The following ANGPT2 variants were observed in gnomAD, a reference collection of about 807,000 sequenced individuals.
ANGPT2 encodes angiopoietin-2.
A neutral mutation model predicts 62.9 loss-of-function variants in ANGPT2; 28 were observed. The ratio of observed to expected loss-of-function variants is 0.44; its 90% CI spans 0.33 to 0.61. The LOEUF (loss-of-function observed/expected upper bound fraction) is 0.61. Among genes scored for constraint, ANGPT2 ranks in the 20% least tolerant of loss-of-function variants. The pLI, the probability that ANGPT2 is intolerant of heterozygous loss-of-function variation, is 0.03. For missense variants in ANGPT2, 727 were observed against 594.9 expected (o/e 1.22, Z -2.31); for synonymous variants, 284 against 207.8 (o/e 1.37, Z -3.15).
At chr8:6,546,973 C>G (rs996161186) in intron 1 of ANGPT2, among the ~76,000 whole-genome samples, 5 of 152,310 alleles carry the variant, frequency 3.3e-5, no homozygotes, top group African/African-American at 1.2e-4. Flanking sequence ...TTAGTCCTGT[C>G]TTCTTTCAGG....
At position 6,503,088 on chromosome 8, in the gene ANGPT2, T is replaced by A; in HGVS notation, c.*13A>T. ...AAATAGTTCGAGACAGTTCCTCAGG[T>A]GGACTGGGATGTTTAGAAATCTGCT... On this transcript the variant is annotated 3_prime_UTR_variant, in exon 9 of 9. Coordinates refer to ENST00000629816, the MANE Select transcript of ANGPT2 (RefSeq NM_001118887.2). 1.2e-6 allele frequency: 2 copies of A among 1,614,020 alleles called. No individual in the cohort carries two copies. The highest frequency in any genetic ancestry group is 1.7e-6 in the Non-Finnish European group (2 of 1,179,970).
intron 1 of ANGPT2, among the ~76,000 whole-genome samples, chr8:6,542,039 A>C (rs1436638526): frequency 6.6e-6 from 1 of 152,066 alleles, no homozygotes; most frequent in Non-Finnish European, 1.5e-5. Context: ...CTGAATGATA[A>C]ATGATTACAA....
chr8:6,535,031 G>C (rs1427102312), intron 1 of ANGPT2, among the ~76,000 whole-genome samples: 1 of 152,178 alleles, frequency 6.6e-6, no homozygotes, highest in Non-Finnish European at 1.5e-5. Context: ...CATTCCGGGA[G>C]GCTTGGAACT....
rs779767697 is a variant in ANGPT2, at chr8:6,503,190, T to G, written c.1399A>C (p.Lys467Gln). Reference sequence around the variant, plus strand: ...TAGTACCATTTAATGCCGTTGAACTTATTTGTGTTCTGCCTCTGTGGATAG... The same window carrying G: ...TAGTACCATTTAATGCCGTTGAACTGATTTGTGTTCTGCCTCTGTGGATAG... ...MYYPQRQNTN[K>Q]FNGIKWYYWK... Residue 467 changes from lysine to glutamine, a missense_variant, in exon 9 of 9, where the codon AAG (lysine) becomes CAG (glutamine). By Grantham distance (53) the Lys-to-Gln change is moderately conservative. Coordinates refer to ENST00000629816, the MANE Select transcript of ANGPT2 (RefSeq NM_001118887.2). 1 of 1,614,124 alleles carries G rather than the reference T, an allele frequency of 6.2e-7. No homozygotes were observed. Among genetic ancestry groups the G allele is most frequent in the East Asian group, 2.2e-5 (1 of 44,888 alleles).
At chr8:6,552,889 G>A (rs1452237205) in intron 1 of ANGPT2, among the ~76,000 whole-genome samples, 1 of 151,762 alleles carries the variant, frequency 6.6e-6, no homozygotes, top group Non-Finnish European at 1.5e-5. Context: ...GATTCCAACT[G>A]TATGACATTC....
chr8:6,531,413 C>T (rs559890394), intron 2 of ANGPT2, among the ~76,000 whole-genome samples: 9 of 152,048 alleles, frequency 5.9e-5, no homozygotes, highest in Admixed American at 3.9e-4. Flanking sequence ...CTCAGCCTCC[C>T]AAGTAGCTGG....
intron 1 of ANGPT2, 87 bp from the exon 2 acceptor site, chr8:6,532,574 T>TAA (rs10662997): frequency 0.1 from 58,543 of 577,756 alleles, 1,297 homozygotes; most frequent in African/African-American, 0.21. Flanking sequence ...TCCCTATCTT[T>TAA]AAAAAAAAAA....
rs1334671934 is a variant in ANGPT2, at chr8:6,519,884, T to C, written c.907A>G (p.Asn303Asp). The C allele has an allele frequency of 5.0e-6, 8 of 1,614,076 alleles. No individual in the cohort carries two copies. Among genetic ancestry groups the C allele is most frequent in the Non-Finnish European group, 6.8e-6 (8 of 1,179,946 alleles). The change falls in exon 5 of 9, where the codon AAT becomes GAT. Residue 303 changes from asparagine to aspartate, a missense_variant. Physicochemically the swap from Asn to Asp is conservative, Grantham distance 23. Coordinates refer to ENST00000629816, the MANE Select transcript of ANGPT2 (RefSeq NM_001118887.2). ...TNGIYTLTFP[N>D]STEEIKAYCD... ...CTCACCTTGATCTCTTCTGTAGAAT[T>C]AGGGAATGTTAACGTGTAGATGCCA...
chr8:6,553,913 C>G (rs1348856126), intron 1 of ANGPT2, among the ~76,000 whole-genome samples: 1 of 152,090 alleles, frequency 6.6e-6, no homozygotes, highest in Non-Finnish European at 1.5e-5. Context: ...TTGAATATAA[C>G]TACCAAGATA....
intron 8 of ANGPT2, among the ~76,000 whole-genome samples, chr8:6,506,518 C>A (rs917114479): frequency 2.0e-5 from 3 of 152,180 alleles, no homozygotes; most frequent in Non-Finnish European, 4.4e-5. Context: ...AATAAGCACA[C>A]CCTTCTCAAG....
chr8:6,553,515 A>T (rs751882025), intron 1 of ANGPT2, among the ~76,000 whole-genome samples: 2 of 152,142 alleles, frequency 1.3e-5, no homozygotes, highest in Non-Finnish European at 2.9e-5. Context: ...GATTTTCTTG[A>T]ATCTGATCAT....
intron 1 of ANGPT2, among the ~76,000 whole-genome samples, chr8:6,554,287 G>A (rs1563117635): frequency 6.7e-6 from 1 of 148,394 alleles, no homozygotes; most frequent in Non-Finnish European, 1.5e-5. Flanking sequence ...GACCCTACAA[G>A]ATCTGGATTT....
chr8:6,534,527 C>G lies in ANGPT2; in HGVS notation c.289-2040G>C, dbSNP rs150841720. Among the ~76,000 whole-genome samples, 117 of 152,242 alleles carry G rather than the reference C, an allele frequency of 7.7e-4. 5 individuals are homozygous for G. Among genetic ancestry groups the G allele is most frequent in the African/African-American group, 2.6e-3 (108 of 41,526 alleles). On this transcript the variant is annotated intron_variant, in intron 1 of 8. Coordinates refer to ENST00000629816, the MANE Select transcript of ANGPT2 (RefSeq NM_001118887.2). The stretch of plus-strand genomic sequence containing the variant: ...CAAGCCATCCACCCGCCTCAGCCCC[C>G]CAAAGTGCTGGGACTACGAGCGTGA...
In ANGPT2 at chr8:6,521,495, C is replaced by G. The variant is rs1817328407; in HGVS notation, c.567-85G>C. 12 of 995,596 alleles carry G rather than the reference C, an allele frequency of 1.2e-5. No homozygotes were observed. In the South Asian group the frequency reaches 1.6e-4, roughly 13 times the overall value. The allele number at this position is 995,596 out of a possible 1,614,324, so 61.7% of individuals were successfully genotyped here. ...ATTGAATTTCTACTTCTCCAAGGTA[C>G]TCTGTTAAGATATTGTAGTGGTTAT... On this transcript the variant is annotated intron_variant, in intron 3 of 8. Coordinates refer to ENST00000629816, the MANE Select transcript of ANGPT2 (RefSeq NM_001118887.2).
chr8:6,509,649 A>G (rs1458584192), intron 7 of ANGPT2, among the ~76,000 whole-genome samples: 1 of 152,234 alleles, frequency 6.6e-6, no homozygotes, highest in Admixed American at 6.5e-5. Context: ...TAAGTTAGAC[A>G]CTATTTACAA....
intron 1 of ANGPT2, among the ~76,000 whole-genome samples, chr8:6,547,013 C>T (rs144760419): frequency 8.5e-5 from 13 of 152,214 alleles, no homozygotes; most frequent in African/African-American, 2.4e-4. Context: ...CGGTGTACCT[C>T]GGAAGAAGCG....
chr8:6,509,474 G>A lies in ANGPT2; in HGVS notation c.1197-412C>T, dbSNP rs149827664. On this transcript the variant is annotated intron_variant, in intron 7 of 8. Transcript: ENST00000629816. ...AACATTATTTTCCGCAGGGGGCCCC[G>A]GGGGGGATGGAGAATGCAGCAGACA... 4.8e-3 allele frequency among the ~76,000 whole-genome samples: 729 copies of A among 152,042 alleles called. 10 individuals are homozygous for A. The highest frequency in any genetic ancestry group is 0.017 in the African/African-American group (713 of 41,546).
At chr8:6,549,009 G>C (rs192912540) in intron 1 of ANGPT2, among the ~76,000 whole-genome samples, 1 of 152,276 alleles carries the variant, frequency 6.6e-6, no homozygotes, top group African/African-American at 2.4e-5. Context: ...TTGGTTCTGG[G>C]CATCACGGAA....
In ANGPT2 at chr8:6,527,553, A is replaced by G; in HGVS notation, c.566+2T>C. On this transcript the variant is annotated splice_donor_variant, in intron 3 of 8. Transcript: ENST00000629816. LOFTEE classifies it high-confidence loss of function. The stretch of plus-strand genomic sequence containing the variant: ...TTATAAATGTTTTAGTACTGTTATT[A>G]CCTGTTCTTATCTTGCAATTTGTTT... 6.2e-7 allele frequency: 1 copy of G among 1,613,256 alleles called. No homozygotes were observed. Among genetic ancestry groups the G allele is most frequent in the Non-Finnish European group, 8.5e-7 (1 of 1,179,722 alleles).
Sources: gnomAD v4.1 joint callset for allele counts (sites outside exome capture counted in the v4.1 genomes callset) on GRCh38, gnomAD v4.1.1 for gene constraint, MANE v1.5 for transcripts, NCBI Gene and HGNC (gene_info 2026-07-23, HGNC 2026-07-21) for gene names.